Variants in ZNF169 observed in about 807,000 individuals in gnomAD.
ZNF169 encodes the protein zinc finger protein 169.
Under a neutral mutation model 12.0 loss-of-function variants are expected in ZNF169, and 11 were observed. The ratio of observed to expected loss-of-function variants is 0.92; its 90% CI spans 0.58 to 1.52. ZNF169 has a LOEUF of 1.52. Among genes scored for constraint, ZNF169 ranks in the 40% most tolerant of loss-of-function variants. ZNF169 has a pLI of 0.00. For missense variants in ZNF169, 722 were observed against 744.0 expected (o/e 0.97, Z 0.34); for synonymous variants, 302 against 286.5 (o/e 1.05, Z -0.55).
chr9:94,298,342 T>C (rs1830990100), intron 4 of ZNF169, among the ~76,000 whole-genome samples: 1 of 152,138 alleles, frequency 6.6e-6, no homozygotes, highest in Non-Finnish European at 1.5e-5. Flanking sequence ...TCAGAGATAA[T>C]GAAAGCAGAC....
At chr9:94,275,523 T>C (rs576571606) in intron 1 of ZNF169, among the ~76,000 whole-genome samples, 20 of 152,346 alleles carry the variant, frequency 1.3e-4, no homozygotes, top group African/African-American at 4.1e-4. Context: ...TCCTGACTTA[T>C]TGTCAGTTCA....
intron 2 of ZNF169, among the ~76,000 whole-genome samples, chr9:94,284,071 CA>C (rs35204508): frequency 0.075 from 3,800 of 50,486 alleles, 81 homozygotes; most frequent in African/African-American, 0.23. Flanking sequence ...GACTCTGTCT[CA>C]AAAAAAAAAA....
At position 94,272,561 on chromosome 9, in the gene ZNF169, TTTA is replaced by T. The variant is rs1184678225; in HGVS notation, c.-55-6194_-55-6192del. ...ATTTTTCTTTTTGTGACTGGCTTAT[TTTA>T]TTTAGTATAATGTCCTCAAGGTTCA... On this transcript the variant is annotated intron_variant, in intron 1 of 4. Coordinates refer to ENST00000395395, the MANE Select transcript of ZNF169 (RefSeq NM_194320.4). Among the ~76,000 whole-genome samples the T allele has an allele frequency of 4.6e-5, 7 of 152,292 alleles. No homozygotes were observed. The East Asian group carries it at 5.8e-4, about 13-fold the overall frequency.
Position 94,278,955 on chromosome 9 carries a change from G to A in ZNF169, c.33+110G>A, listed in dbSNP as rs9299418. 10,718 of 1,056,286 alleles carry A rather than the reference G, an allele frequency of 0.01. 674 individuals carry two copies. In the African/African-American group the frequency reaches 0.14, roughly 14 times the overall value. 65.4% of individuals were successfully genotyped at this position (1,056,286 alleles called of 1,614,324 possible). A position where few individuals can be genotyped will look rare whatever the true frequency, so the allele number is the denominator to read the frequency against. On this transcript the variant is annotated intron_variant, in intron 2 of 4. Coordinates refer to ENST00000395395, the MANE Select transcript of ZNF169 (RefSeq NM_194320.4). The stretch of plus-strand genomic sequence containing the variant: ...CAAAGCCTATCTTGATCTTGTAGGC[G>A]TGACTCATCTTATCTGGAGTTTTCT...
intron 1 of ZNF169, among the ~76,000 whole-genome samples, chr9:94,273,579 C>CTTTTTT (rs56165942): frequency 8.4e-5 from 10 of 119,162 alleles, no homozygotes; most frequent in South Asian, 2.7e-4. Flanking sequence ...TTCTTTCTTT[C>CTTTTTT]TTTTTTTTTT....
In ZNF169 at chr9:94,299,965, G is replaced by A. The variant is rs776439171; in HGVS notation, c.407G>A (p.Cys136Tyr). 2 of 1,614,110 alleles carry A rather than the reference G, an allele frequency of 1.2e-6. No individual in the cohort carries two copies. Among genetic ancestry groups the A allele is most frequent in the South Asian group, 2.2e-5 (2 of 91,076 alleles). ...GGDFQLEAPRCSSEKGESGET... is the reference protein window; with the variant it reads ...GGDFQLEAPRYSSEKGESGET... ...GACTTCCAACTAGAAGCTCCAAGAT[G>A]CTCTAGTGAAAAAGGAGAAAGTGGA... The change falls in exon 5 of 5, where the codon TGC (cysteine) becomes TAC (tyrosine). Residue 136 changes from cysteine (C) to tyrosine (Y), a missense_variant. Physicochemically the swap from Cys to Tyr is radical, Grantham distance 194. Transcript: ENST00000395395.
At chr9:94,278,631 C>T (rs376914468) in intron 1 of ZNF169, 127 bp from the exon 2 acceptor site, 24 of 538,164 alleles carry the variant, frequency 4.5e-5, no homozygotes, top group Middle Eastern at 4.8e-4. Flanking sequence ...TGGGCTTCAC[C>T]GATGCCCTCT....
intron 2 of ZNF169, chr9:94,288,063 C>A: frequency 1.3e-6 from 1 of 785,260 alleles, no homozygotes; most frequent in Non-Finnish European, 2.3e-6. Context: ...CTAGGTCACT[C>A]GGGACTTTGC....
At chr9:94,284,646 G>A (rs1016474884) in intron 2 of ZNF169, among the ~76,000 whole-genome samples, 1 of 152,038 alleles carries the variant, frequency 6.6e-6, no homozygotes, top group Non-Finnish European at 1.5e-5. Flanking sequence ...AATTATAACA[G>A]CATCAAAAAG....
At chr9:94,271,186 C>A (rs1266181388) in intron 1 of ZNF169, among the ~76,000 whole-genome samples, 6 of 149,742 alleles carry the variant, frequency 4.0e-5, no homozygotes, top group Admixed American at 3.4e-4. Flanking sequence ...GCCTTAACCT[C>A]CTGGGCTCAA....
At chr9:94,288,337 G>A (rs539821309) in intron 2 of ZNF169, 6 of 1,015,318 alleles carry the variant, frequency 5.9e-6, no homozygotes, top group Middle Eastern at 2.3e-4. Context: ...CTATTTCTCT[G>A]TAAATGCCAG....
chr9:94,266,928 A>T (rs36064675), intron 1 of ZNF169, among the ~76,000 whole-genome samples: 404 of 132,904 alleles, frequency 3.0e-3, no homozygotes, highest in Admixed American at 5.1e-3. Flanking sequence ...TTTTTTTTTT[A>T]AGACAGAGTC....
chr9:94,278,874 T>C, intron 2 of ZNF169, 29 bp downstream of exon 2: 1 of 1,611,522 alleles, frequency 6.2e-7, no homozygotes, highest in Non-Finnish European at 8.5e-7. Context: ...TCCTAGCTAT[T>C]GCAGGAAGGT....
At position 94,301,067 on chromosome 9, in the gene ZNF169, A is replaced by G; in HGVS notation, c.1509A>G (p.Arg503=). Residue 503 remains arginine, a synonymous_variant, in exon 5 of 5, where the codon CGA becomes CGG. Coordinates refer to ENST00000395395, the MANE Select transcript of ZNF169 (RefSeq NM_194320.4). The part of the protein sequence containing the change: ...RAFGFKSLLT[R]HQRTHSEEEL... ...TTGGCTTTAAGTCGCTCCTCACCCG[A>G]CACCAGAGGACACACTCAGAGGAGG... is the stretch of plus-strand genomic sequence containing the variant. 5 of 1,613,974 alleles carry G rather than the reference A, an allele frequency of 3.1e-6. No individual in the cohort carries two copies. The highest frequency in any genetic ancestry group is 4.2e-6 in the Non-Finnish European group (5 of 1,179,982).
At chr9:94,274,438 G>A (rs1830486035) in intron 1 of ZNF169, among the ~76,000 whole-genome samples, 1 of 151,958 alleles carries the variant, frequency 6.6e-6, no homozygotes, top group Non-Finnish European at 1.5e-5. Context: ...TTTAGATAAG[G>A]GCTGCTTAAT....
At chr9:94,296,670 C>T (rs1049323387) in intron 4 of ZNF169, 5 of 379,046 alleles carry the variant, frequency 1.3e-5, no homozygotes, top group African/African-American at 1.1e-4. Context: ...GATCAGTTGA[C>T]CATATGTGAT....
chr9:94,278,765 T>C lies in ZNF169; in HGVS notation c.-48T>C, dbSNP rs1012824851. 2.5e-6 allele frequency: 4 copies of C among 1,601,776 alleles called. No homozygotes were observed. Among genetic ancestry groups the C allele is most frequent in the African/African-American group, 1.3e-5 (1 of 74,654 alleles). On this transcript the variant is annotated 5_prime_UTR_variant, in exon 2 of 5. Transcript: ENST00000395395. ...TCTCATCTCTTTCCCCAGATTTGCC[T>C]CTGCAACTTGACTCTCCTCTAGGAA...
intron 1 of ZNF169, among the ~76,000 whole-genome samples, chr9:94,261,779 G>A (rs1468808628): frequency 6.6e-6 from 1 of 152,218 alleles, no homozygotes; most frequent in East Asian, 1.9e-4. Context: ...CTTCTCTGAT[G>A]TAGTTCTTTA....
At chr9:94,296,971 C>T (rs1426366066) in intron 4 of ZNF169, 6 of 358,344 alleles carry the variant, frequency 1.7e-5, no homozygotes, top group African/African-American at 4.4e-5. Flanking sequence ...CGCGTGAACT[C>T]GGGAGGCGGA....
Sources: gnomAD v4.1 joint callset for allele counts (sites outside exome capture counted in the v4.1 genomes callset) on GRCh38, gnomAD v4.1.1 for gene constraint, MANE v1.5 for transcripts, NCBI Gene and HGNC (gene_info 2026-07-23, HGNC 2026-07-21) for gene names.